Variants in COA8 observed in about 807,000 individuals in gnomAD.
The protein encoded by COA8 is cytochrome c oxidase assembly factor 8, also known as UPF0671 protein C14orf153.
A neutral mutation model predicts 22.0 loss-of-function variants in COA8; 20 were observed. The ratio of observed to expected loss-of-function variants is 0.91; its 90% CI spans 0.64 to 1.32. The LOEUF (loss-of-function observed/expected upper bound fraction) is 1.32. COA8 is among the 40% of genes most tolerant of loss of function. The pLI is 0.00. For synonymous variants in COA8, 105 were observed against 79.9 expected (o/e 1.31, Z -1.68); for missense variants, 266 against 230.0 (o/e 1.16, Z -1.01).
intron 4 of COA8, 91 bp downstream of exon 4, chr14:103,587,455 T>C (rs547186048): frequency 2.7e-6 from 2 of 739,600 alleles, no homozygotes; most frequent in Admixed American, 2.9e-5. Context: ...CATTCATGTT[T>C]ATATCAGAGG....
intron 1 of COA8, among the ~76,000 whole-genome samples, chr14:103,564,067 C>A (rs1356743386): frequency 6.6e-6 from 1 of 151,908 alleles, no homozygotes; most frequent in Non-Finnish European, 1.5e-5. Flanking sequence ...GCAGGAAAAT[C>A]GCTTGAACCC....
rs959669626 is a variant in COA8 at position 103,571,570 on chromosome 14, A to G, written c.124-53A>G. The G allele has an allele frequency of 6.2e-6, 9 of 1,462,984 alleles. No homozygotes were observed. The African/African-American group carries it at 1.3e-4, about 21-fold the overall frequency. The allele number at this position is 1,462,984 out of a possible 1,614,324, so 90.6% of individuals were successfully genotyped here. On this transcript the variant is annotated intron_variant, in intron 1 of 4. Transcript: ENST00000409074. ...TAAATAAATCCAGATTGTACATTTT[A>G]TAATACTAGAGATTCATTTTGTCAT...
intron 3 of COA8, among the ~76,000 whole-genome samples, chr14:103,585,901 T>G (rs1595149884): frequency 1.3e-5 from 2 of 150,418 alleles, no homozygotes; most frequent in South Asian, 4.2e-4. Context: ...TTTTTGTTTT[T>G]TTTTGTTTTG....
intron 3 of COA8, chr14:103,574,451 C>T (rs2076216143): frequency 3.4e-6 from 2 of 590,814 alleles, no homozygotes; most frequent in Non-Finnish European, 6.3e-6. Context: ...TCAGCCTTTG[C>T]AGCTTCTCCC....
rs1313199535 is a variant in COA8 at position 103,582,722 on chromosome 14, T to C, written c.386-4552T>C. Among the ~76,000 whole-genome samples, 3 of 146,744 alleles carry C rather than the reference T, an allele frequency of 2.0e-5. No individual in the cohort carries two copies. In the East Asian group the frequency reaches 6.0e-4, roughly 29 times the overall value. On this transcript the variant is annotated intron_variant, in intron 3 of 4. Coordinates refer to ENST00000409074, the MANE Select transcript of COA8 (RefSeq NM_001370595.2). Reference sequence around the variant, plus strand: ...ACCTTTAGATACGATTCACATACCATAAAATTCACCCTGCCTTTTTTTTTT... The same window carrying C: ...ACCTTTAGATACGATTCACATACCACAAAATTCACCCTGCCTTTTTTTTTT...
chr14:103,586,867 C>T (rs2076311354), intron 3 of COA8, among the ~76,000 whole-genome samples: 1 of 152,030 alleles, frequency 6.6e-6, no homozygotes, highest in African/African-American at 2.4e-5. Context: ...CCACATCTGG[C>T]TAATATTTGT....
At chr14:103,572,365 T>C (rs1309986203) in intron 2 of COA8, among the ~76,000 whole-genome samples, 1 of 152,158 alleles carries the variant, frequency 6.6e-6, no homozygotes, top group African/African-American at 2.4e-5. Context: ...AAGGATGCAA[T>C]GTGTGAGCAG....
At chr14:103,567,230 G>A (rs1165126362) in intron 1 of COA8, among the ~76,000 whole-genome samples, 9 of 151,916 alleles carry the variant, frequency 5.9e-5, no homozygotes, top group East Asian at 3.9e-4. Flanking sequence ...AAAATTAGCC[G>A]GGCGTGGTGG....
At position 103,571,757 on chromosome 14, in the gene COA8, A is replaced by G. The variant is rs1188376954; in HGVS notation, c.258A>G (p.Leu86=). The G allele has an allele frequency of 6.2e-7, 1 of 1,614,176 alleles. No individual in the cohort carries two copies. The highest frequency in any genetic ancestry group is 8.5e-7 in the Non-Finnish European group (1 of 1,180,002). ...CATTGGAACAAAAGCTTAGAAAATTAAGACAAGAAACACAAGAATGGAATC... is the reference window on the plus strand; with the variant it reads ...CATTGGAACAAAAGCTTAGAAAATTGAGACAAGAAACACAAGAATGGAATC... The part of the protein sequence containing the change: ...ESPLEQKLRK[L]RQETQEWNQQ... Residue 86 remains leucine, a synonymous_variant, in exon 2 of 5, where the codon TTA becomes TTG. Coordinates refer to ENST00000409074, the MANE Select transcript of COA8 (RefSeq NM_001370595.2).
rs184170576 is a variant in COA8, at chr14:103,588,465, G to A, written c.476+1101G>A. ...CCTGTCTCAATAAATAAATAAATAA[G>A]TAAGTAATTAAAAAAATATATATAT... On this transcript the variant is annotated intron_variant, in intron 4 of 4. Transcript: ENST00000409074. 4.9e-3 allele frequency among the ~76,000 whole-genome samples: 681 copies of A among 139,590 alleles called. 2 individuals carry two copies. Among genetic ancestry groups the A allele is most frequent in the African/African-American group, 0.01 (369 of 35,794 alleles). The allele number at this position is 139,590 out of a possible 152,430, so 91.6% of individuals were successfully genotyped here.
intron 1 of COA8, among the ~76,000 whole-genome samples, chr14:103,569,373 C>T (rs1219219357): frequency 6.6e-6 from 1 of 152,184 alleles, no homozygotes; most frequent in Non-Finnish European, 1.5e-5. Context: ...TTGAAAATAT[C>T]GGTACACCAG....
In COA8 at chr14:103,579,995, A is replaced by G. The variant is rs370267200; in HGVS notation, c.385+5825A>G. 2.4e-4 allele frequency among the ~76,000 whole-genome samples: 37 copies of G among 151,980 alleles called. No individual in the cohort carries two copies. In the East Asian group the frequency reaches 3.7e-3, roughly 15 times the overall value. ...AAAAAAAAAAAAGTACAGCATGACA[A>G]CTGTTCATACAGCATTTACATTGTA... On this transcript the variant is annotated intron_variant, in intron 3 of 4. Transcript: ENST00000409074.
In COA8 at chr14:103,563,067, C is replaced by T; in HGVS notation, c.66C>T (p.Arg22=). The T allele has an allele frequency of 6.5e-7, 1 of 1,541,442 alleles. No homozygotes were observed. ...CTCTCTGCCGCGCCTTCGCCTGCCG[C>T]GGCTGTCAACTCGCTCCGGAGCGCG... ...LPPLCRAFAC[R]GCQLAPERGA... Residue 22 remains arginine, a synonymous_variant, in exon 1 of 5, where the codon CGC becomes CGT. Coordinates refer to ENST00000409074, the MANE Select transcript of COA8 (RefSeq NM_001370595.2).
At chr14:103,574,658 A>C in intron 3 of COA8, 1 of 352,308 alleles carries the variant, frequency 2.8e-6, no homozygotes, top group Non-Finnish European at 5.5e-6. Flanking sequence ...CATTGGGCTA[A>C]AGTGCCATTC....
intron 1 of COA8, among the ~76,000 whole-genome samples, chr14:103,570,313 C>T (rs970312749): frequency 3.3e-5 from 5 of 152,118 alleles, no homozygotes; most frequent in African/African-American, 1.2e-4. Flanking sequence ...GTATTTTAAC[C>T]CTGACGATGA....
At position 103,590,509 on chromosome 14, in the gene COA8, A is replaced by G. The variant is rs2076343684; in HGVS notation, c.*223A>G. On this transcript the variant is annotated 3_prime_UTR_variant, in exon 5 of 5. Coordinates refer to ENST00000409074, the MANE Select transcript of COA8 (RefSeq NM_001370595.2). The stretch of plus-strand genomic sequence containing the variant: ...CTTGTTGTCACGTACGTGGTGTGAA[A>G]TAAAGCCCAAGCACTGGGTGCCCGT... 2.1e-6 allele frequency: 1 copy of G among 477,788 alleles called. No individual in the cohort carries two copies. Among genetic ancestry groups the G allele is most frequent in the African/African-American group, 2.0e-5 (1 of 50,294 alleles). The allele number at this position is 477,788 out of a possible 1,614,324, so 29.6% of individuals were successfully genotyped here. A position where few individuals can be genotyped will look rare whatever the true frequency, so the allele number is the denominator to read the frequency against.
rs767933232 is a variant in COA8, at chr14:103,563,136, C to T, written c.123+12C>T. On this transcript the variant is annotated intron_variant, in intron 1 of 4. Coordinates refer to ENST00000409074, the MANE Select transcript of COA8 (RefSeq NM_001370595.2). ...CGGCGCCCAGCGGGGTAAGCAGGGG[C>T]CTGGGGACATTGGGCCGGGAGGGGT... 5.2e-5 allele frequency: 80 copies of T among 1,540,982 alleles called. No individual in the cohort carries two copies. Among genetic ancestry groups the T allele is most frequent in the African/African-American group, 3.4e-4 (25 of 73,294 alleles).
chr14:103,576,035 C>T (rs1056920285), intron 3 of COA8, among the ~76,000 whole-genome samples: 8 of 149,402 alleles, frequency 5.4e-5, no homozygotes, highest in South Asian at 2.4e-4. Context: ...AGGCCGGGCG[C>T]GGTGGTTCAC....
chr14:103,568,522 C>CACACAT (rs766229651), intron 1 of COA8, among the ~76,000 whole-genome samples: 39 of 150,772 alleles, frequency 2.6e-4, no homozygotes, highest in Non-Finnish European at 5.6e-4. Flanking sequence ...TATATATACA[C>CACACAT]ACACATACAC....
Sources: gnomAD v4.1 joint callset for allele counts (sites outside exome capture counted in the v4.1 genomes callset) on GRCh38, gnomAD v4.1.1 for gene constraint, MANE v1.5 for transcripts, NCBI Gene and HGNC (gene_info 2026-07-23, HGNC 2026-07-21) for gene names.